The following DLG2 variants were observed in gnomAD, a reference collection of about 807,000 sequenced individuals.
DLG2 encodes the protein discs large MAGUK scaffold protein 2.
DLG2 carries 45 observed loss-of-function variants against 132.5 expected under a neutral mutation model. The observed-to-expected ratio is 0.34, with a 90% CI of 0.27 to 0.44. DLG2 has a LOEUF of 0.44. Among genes scored for constraint, DLG2 ranks in the 20% least tolerant of loss-of-function variants. The probability of loss-of-function intolerance (pLI) is 1.00; values close to 1 mark genes in which losing one functional copy is unlikely to be tolerated. For synonymous variants in DLG2, 424 were observed against 419.6 expected, an observed-to-expected ratio of 1.01 and a Z score of -0.13; for missense variants, 1,045 against 1,196.9, an observed-to-expected ratio of 0.87 and a Z score of 1.87.
chr11:84,781,317 A>G (rs1322783106), intron 6 of DLG2, among the ~76,000 whole-genome samples: 1 of 152,060 alleles, frequency 6.6e-6, no homozygotes, highest in East Asian at 1.9e-4. Context: ...TACCAAACAT[A>G]TATTTTCTGG....
At chr11:85,261,561 T>G (rs1198748391) in intron 4 of DLG2, among the ~76,000 whole-genome samples, 3 of 152,090 alleles carry the variant, frequency 2.0e-5, no homozygotes, top group Non-Finnish European at 4.4e-5. Flanking sequence ...ATTAGGATAT[T>G]GGATCTTGCG....
intron 3 of DLG2, among the ~76,000 whole-genome samples, chr11:85,431,587 T>C (rs1468365765): frequency 6.6e-6 from 1 of 152,176 alleles, no homozygotes; most frequent in Admixed American, 6.5e-5. Context: ...TTGAGCTCCT[T>C]GGGGGAGGGG....
chr11:85,267,508 AC>A (rs1318287975), intron 4 of DLG2, among the ~76,000 whole-genome samples: 1 of 152,180 alleles, frequency 6.6e-6, no homozygotes, highest in Non-Finnish European at 1.5e-5. Flanking sequence ...CCCACAAAAA[AC>A]AAAAGAGATC....
At chr11:85,341,647 C>G (rs1008738133) in intron 3 of DLG2, among the ~76,000 whole-genome samples, 1 of 152,006 alleles carries the variant, frequency 6.6e-6, no homozygotes, top group African/African-American at 2.4e-5. Flanking sequence ...TGTTTTAGGA[C>G]AAAACAATCC....
chr11:84,348,656 C>T (rs1312948306), intron 7 of DLG2, among the ~76,000 whole-genome samples: 4 of 152,122 alleles, frequency 2.6e-5, no homozygotes, highest in African/African-American at 9.7e-5. Flanking sequence ...GAAGTCCTAC[C>T]TCCTAGTACC....
chr11:83,693,164 TA>T (rs1432305981), intron 18 of DLG2: 1 of 152,182 alleles, frequency 6.6e-6, no homozygotes, highest in Non-Finnish European at 1.5e-5. Context: ...TGTTAGTTTT[TA>T]CAGTACCAAA....
intron 6 of DLG2, among the ~76,000 whole-genome samples, chr11:84,764,180 A>T (rs1052695394): frequency 6.6e-6 from 1 of 152,094 alleles, no homozygotes; most frequent in East Asian, 1.9e-4. Context: ...GCTTTCCAAA[A>T]CATGTTCTAG....
intron 3 of DLG2, among the ~76,000 whole-genome samples, chr11:85,570,015 T>G (rs1251540773): frequency 6.6e-6 from 1 of 152,164 alleles, no homozygotes; most frequent in African/African-American, 2.4e-5. Flanking sequence ...ACGTACGAAG[T>G]GGGGCATGGG....
intron 22 of DLG2, 56 bp downstream of exon 22, chr11:83,484,073 T>G: frequency 7.0e-7 from 1 of 1,436,162 alleles, no homozygotes; most frequent in Non-Finnish European, 9.8e-7. Flanking sequence ...GCGTGTTGCC[T>G]GTGAATTTTT....
chr11:84,774,330 G>A (rs1274814920), intron 6 of DLG2, among the ~76,000 whole-genome samples: 1 of 152,094 alleles, frequency 6.6e-6, no homozygotes, highest in Non-Finnish European at 1.5e-5. Flanking sequence ...AATGCTCATA[G>A]ATTGGAAGAA....
intron 4 of DLG2, among the ~76,000 whole-genome samples, chr11:85,224,392 C>T (rs1250073314): frequency 2.0e-5 from 3 of 152,164 alleles, no homozygotes; most frequent in Non-Finnish European, 1.5e-5. Flanking sequence ...AATACTTTCT[C>T]CTTCTCTCCT....
At chr11:84,904,864 T>C (rs1306037451) in intron 6 of DLG2, among the ~76,000 whole-genome samples, 1 of 152,194 alleles carries the variant, frequency 6.6e-6, no homozygotes, top group Admixed American at 6.5e-5. Context: ...ATGAGCACCC[T>C]GATGTTTATT....
chr11:85,399,430 T>G (rs868571647), intron 3 of DLG2, among the ~76,000 whole-genome samples: 1 of 151,984 alleles, frequency 6.6e-6, no homozygotes, highest in Non-Finnish European at 1.5e-5. Flanking sequence ...GAAAAAACTA[T>G]TTTAAAGTTC....
At chr11:83,980,398 C>G (rs1220196482) in intron 12 of DLG2, 108 bp downstream of exon 12, 7 of 1,253,198 alleles carry the variant, frequency 5.6e-6, no homozygotes, top group Non-Finnish European at 7.5e-6. Flanking sequence ...TTTAAGCCAC[C>G]CACCCTGTGG....
intron 4 of DLG2, among the ~76,000 whole-genome samples, chr11:85,213,383 G>T (rs1237576596): frequency 6.6e-6 from 1 of 151,920 alleles, no homozygotes; most frequent in Non-Finnish European, 1.5e-5. Flanking sequence ...CAGAAAGGCA[G>T]GACAACTGGA....
At chr11:84,070,313 G>A (rs746553831) in intron 10 of DLG2, among the ~76,000 whole-genome samples, 28 of 152,036 alleles carry the variant, frequency 1.8e-4, no homozygotes, top group Admixed American at 5.2e-4. Context: ...TCTCTCAAAC[G>A]TTCAACCAAA....
chr11:85,390,541 C>T (rs528684018), intron 3 of DLG2, among the ~76,000 whole-genome samples: 1 of 151,902 alleles, frequency 6.6e-6, no homozygotes, highest in South Asian at 2.1e-4. Context: ...CCAACAACTG[C>T]AGAACAAGTC....
At chr11:84,694,497 G>T (rs1301568710) in intron 6 of DLG2, among the ~76,000 whole-genome samples, 3 of 151,204 alleles carry the variant, frequency 2.0e-5, no homozygotes, top group Non-Finnish European at 4.4e-5. Context: ...TCTGATGTAG[G>T]TATTTTTTTT....
chr11:84,925,667 T>C (rs1371195502), intron 6 of DLG2, among the ~76,000 whole-genome samples: 1 of 152,188 alleles, frequency 6.6e-6, no homozygotes, highest in South Asian at 2.1e-4. Flanking sequence ...TATAACTGCC[T>C]ATGCATATTT....
Sources: allele counts gnomAD v4.1 joint callset (sites outside exome capture counted in the v4.1 genomes callset), GRCh38; gene constraint gnomAD v4.1.1; transcripts MANE v1.5; gene names NCBI Gene and HGNC (gene_info 2026-07-23, HGNC 2026-07-21).